Variants in ALK observed in about 807,000 individuals in gnomAD.
ALK encodes the protein ALK tyrosine kinase receptor.
A neutral mutation model predicts 163.1 loss-of-function variants in ALK; 74 were observed. That is an observed-to-expected ratio of 0.45 (90% CI 0.38 to 0.55). ALK has a LOEUF of 0.55. Among genes scored for constraint, ALK ranks in the 20% least tolerant of loss-of-function variants. The probability of loss-of-function intolerance (pLI) is 0.00; values close to 1 mark genes in which losing one functional copy is unlikely to be tolerated. For missense variants in ALK, 2,063 were observed against 2,105.3 expected (o/e 0.98, Z 0.39); for synonymous variants, 960 against 843.2 (o/e 1.14, Z -2.40).
rs913079480 is a variant in ALK, at chr2:29,621,442, T to A, written c.952+73408A>T. On this transcript the variant is annotated intron_variant, in intron 3 of 28. Coordinates refer to ENST00000389048, the MANE Select transcript of ALK (RefSeq NM_004304.5). Reference sequence around the variant, plus strand: ...CAGCCTCTGGCCATTGTCCTGAGTCTGACCAGCTTTTAGGAAAAGCTGATG... The same window carrying A: ...CAGCCTCTGGCCATTGTCCTGAGTCAGACCAGCTTTTAGGAAAAGCTGATG... 2.0e-5 allele frequency among the ~76,000 whole-genome samples: 3 copies of A among 152,330 alleles called. No individual in the cohort carries two copies. The East Asian group carries it at 5.8e-4, about 29-fold the overall frequency.
chr2:29,594,617 C>CGGG (rs1675150145), intron 3 of ALK, among the ~76,000 whole-genome samples: 1 of 151,650 alleles, frequency 6.6e-6, no homozygotes, highest in African/African-American at 2.4e-5. Context: ...TTAGTAGACA[C>CGGG]GGGGTTTCAC....
In ALK at chr2:29,717,752, G is replaced by A; in HGVS notation, c.668-55C>T. 5 of 1,612,226 alleles carry A rather than the reference G, an allele frequency of 3.1e-6. No homozygotes were observed. In the South Asian group the frequency reaches 4.4e-5, roughly 14 times the overall value. ...CCATGTGCTTGGGGTGTGTCTTTTAGCTGTCACTCAATATCAGTCAAAAAT... is the reference window on the plus strand; with the variant it reads ...CCATGTGCTTGGGGTGTGTCTTTTAACTGTCACTCAATATCAGTCAAAAAT... On this transcript the variant is annotated intron_variant, in intron 1 of 28. Transcript: ENST00000389048.
chr2:29,452,621 A>G (rs2148093780), intron 4 of ALK, among the ~76,000 whole-genome samples: 1 of 152,336 alleles, frequency 6.6e-6, no homozygotes, highest in Middle Eastern at 3.4e-3. Context: ...ATAGTCTCAA[A>G]GTATCTCCCC....
chr2:29,357,265 G>A (rs951625222), intron 5 of ALK, among the ~76,000 whole-genome samples: 1 of 152,180 alleles, frequency 6.6e-6, no homozygotes, highest in Non-Finnish European at 1.5e-5. Flanking sequence ...TGACAATGCA[G>A]ACACTAGTTA....
chr2:29,678,596 G>T (rs1677963306), intron 3 of ALK, among the ~76,000 whole-genome samples: 1 of 150,592 alleles, frequency 6.6e-6, no homozygotes, highest in South Asian at 2.1e-4. Context: ...TAATAGTCAG[G>T]GATTTCTGAG....
chr2:29,338,806 C>A (rs930957456), intron 5 of ALK, among the ~76,000 whole-genome samples: 1 of 152,170 alleles, frequency 6.6e-6, no homozygotes, highest in African/African-American at 2.4e-5. Context: ...AGAAGAATGT[C>A]GTGAGGTGGG....
At chr2:29,855,112 C>T (rs181850752) in intron 1 of ALK, among the ~76,000 whole-genome samples, 45 of 152,288 alleles carry the variant, frequency 3.0e-4, no homozygotes, top group African/African-American at 1.1e-3. Context: ...AATTCTGGTG[C>T]ATGGCATGGA....
chr2:29,830,103 T>C (rs1665323883), intron 1 of ALK, among the ~76,000 whole-genome samples: 1 of 152,040 alleles, frequency 6.6e-6, no homozygotes, highest in Admixed American at 6.6e-5. Flanking sequence ...GAAGACAGAG[T>C]GTTTGTGTAG....
Position 29,591,980 on chromosome 2 carries a change from ACT to A in ALK, c.953-59866_953-59865del, listed in dbSNP as rs1016387008. Among the ~76,000 whole-genome samples the A allele has an allele frequency of 2.0e-5, 3 of 151,426 alleles. No homozygotes were observed. The South Asian group carries it at 6.3e-4, about 32-fold the overall frequency. Reference sequence around the variant, plus strand: ...ATCCCTTGTTGCCAATCTTAAGATCACTCTCTATCTCAGGTACAAAGTCAAGG... The same window carrying A: ...ATCCCTTGTTGCCAATCTTAAGATCACTCTATCTCAGGTACAAAGTCAAGG... On this transcript the variant is annotated intron_variant, in intron 3 of 28. Coordinates refer to ENST00000389048, the MANE Select transcript of ALK (RefSeq NM_004304.5).
At chr2:29,481,846 G>A (rs1440393675) in intron 4 of ALK, among the ~76,000 whole-genome samples, 3 of 152,230 alleles carry the variant, frequency 2.0e-5, no homozygotes, top group African/African-American at 4.8e-5. Context: ...AGAGGGTCAA[G>A]GTGATATTTA....
rs567152596 is a variant in ALK, at chr2:29,723,870, C to T, written c.668-6173G>A. On this transcript the variant is annotated intron_variant, in intron 1 of 28. Coordinates refer to ENST00000389048, the MANE Select transcript of ALK (RefSeq NM_004304.5). ...GATCATCTTGTGTCAATAATTACAA[C>T]GTCCAGAAATCAAAAGTGCTCCCAG... Among the ~76,000 whole-genome samples, 7 of 152,266 alleles carry T rather than the reference C, an allele frequency of 4.6e-5. No homozygotes were observed. In the South Asian group the frequency reaches 1.0e-3, roughly 23 times the overall value.
intron 2 of ALK, among the ~76,000 whole-genome samples, chr2:29,714,165 GAAA>G (rs751146597): frequency 2.0e-5 from 3 of 152,008 alleles, no homozygotes; most frequent in Non-Finnish European, 4.4e-5. Flanking sequence ...ATGATAAAAA[GAAA>G]AATAAAGTCT....
chr2:29,911,135 C>A (rs1667690331), intron 1 of ALK, among the ~76,000 whole-genome samples: 1 of 152,152 alleles, frequency 6.6e-6, no homozygotes, highest in Non-Finnish European at 1.5e-5. Flanking sequence ...ATGCAGGCAC[C>A]CAGAAAATCT....
intron 2 of ALK, among the ~76,000 whole-genome samples, chr2:29,712,830 A>C (rs1245309536): frequency 6.6e-6 from 1 of 152,206 alleles, no homozygotes; most frequent in Non-Finnish European, 1.5e-5. Context: ...ATTCAAATCT[A>C]ACAATTATTT....
At chr2:29,649,393 C>A (rs938844515) in intron 3 of ALK, among the ~76,000 whole-genome samples, 1 of 152,064 alleles carries the variant, frequency 6.6e-6, no homozygotes, top group African/African-American at 2.4e-5. Context: ...TCTGTTAGAA[C>A]TGCTATCATC....
At chr2:29,508,753 A>G (rs1672421198) in intron 4 of ALK, among the ~76,000 whole-genome samples, 1 of 149,782 alleles carries the variant, frequency 6.7e-6, no homozygotes, top group Admixed American at 6.6e-5. Flanking sequence ...AAAAAAAAAA[A>G]AAAAAGAAAT....
chr2:29,647,338 T>C (rs1207448827), intron 3 of ALK, among the ~76,000 whole-genome samples: 1 of 152,132 alleles, frequency 6.6e-6, no homozygotes, highest in East Asian at 1.9e-4. Context: ...GCATCTCTAA[T>C]ATGTCTCTTC....
intron 3 of ALK, among the ~76,000 whole-genome samples, chr2:29,694,173 T>C (rs1678485396): frequency 6.6e-6 from 1 of 152,158 alleles, no homozygotes; most frequent in African/African-American, 2.4e-5. Flanking sequence ...CTCAGCACAA[T>C]TTAACAATTT....
chr2:29,254,104 TC>T (rs1273152565), intron 11 of ALK, among the ~76,000 whole-genome samples: 1 of 152,204 alleles, frequency 6.6e-6, no homozygotes, highest in Non-Finnish European at 1.5e-5. Flanking sequence ...CACTCATTCT[TC>T]TCCTTCCTGC....
Sources: allele counts gnomAD v4.1 joint callset (sites outside exome capture counted in the v4.1 genomes callset), GRCh38; gene constraint gnomAD v4.1.1; transcripts MANE v1.5; gene names NCBI Gene and HGNC (gene_info 2026-07-23, HGNC 2026-07-21).